Variants in BTBD16 observed in about 807,000 individuals in gnomAD.
BTBD16 encodes the protein BTB domain containing 16.
A neutral mutation model predicts 67.4 loss-of-function variants in BTBD16; 66 were observed. The ratio of observed to expected loss-of-function variants is 0.98; its 90% CI spans 0.80 to 1.20. The LOEUF is 1.20. BTBD16 is among the 50% of genes most tolerant of loss of function. The pLI is 0.00. For missense variants in BTBD16, 634 were observed against 616.0 expected (o/e 1.03, Z -0.31); for synonymous variants, 242 against 236.4 (o/e 1.02, Z -0.22).
intron 11 of BTBD16, 117 bp from the exon 12 acceptor site, chr10:122,331,059 T>C: frequency 7.3e-7 from 1 of 1,360,746 alleles, no homozygotes; most frequent in Non-Finnish European, 9.8e-7. Context: ...AAGGAGACCA[T>C]CCACCCCTTT....
At position 122,329,515 on chromosome 10, in the gene BTBD16, T is replaced by C. The variant is rs765736764; in HGVS notation, c.947T>C (p.Ile316Thr). The change falls in exon 11 of 16, where the codon ATA (isoleucine) becomes ACA (threonine). Residue 316 changes from isoleucine to threonine, a missense_variant. Transcript: ENST00000260723. Reference protein sequence around the residue: ...PENCCFLDRDIGRSLRPLFLC... With the variant: ...PENCCFLDRDTGRSLRPLFLC... ...AACTGTTGCTTTCTGGACCGGGACA[T>C]AGGACGGAGCTTGAGGCCGCTCTTC... 1.2e-6 allele frequency: 2 copies of C among 1,613,778 alleles called. No individual in the cohort carries two copies. The highest frequency in any genetic ancestry group is 1.3e-5 in the African/African-American group (1 of 74,868).
At chr10:122,304,292 G>C (rs2096399321) in intron 9 of BTBD16, among the ~76,000 whole-genome samples, 1 of 152,196 alleles carries the variant, frequency 6.6e-6, no homozygotes, top group Non-Finnish European at 1.5e-5. Flanking sequence ...TAGCATGAGA[G>C]GTGGGTGACA....
At chr10:122,305,566 T>G (rs1251902082) in intron 9 of BTBD16, among the ~76,000 whole-genome samples, 3 of 152,156 alleles carry the variant, frequency 2.0e-5, no homozygotes, top group Non-Finnish European at 2.9e-5. Flanking sequence ...TCCTGAGGCC[T>G]CTCCAGAAGC....
chr10:122,312,792 T>C (rs2096416401), intron 10 of BTBD16, among the ~76,000 whole-genome samples: 1 of 152,248 alleles, frequency 6.6e-6, no homozygotes, highest in African/African-American at 2.4e-5. Context: ...TTTTCTATGT[T>C]CTGCTACGTT....
At chr10:122,313,020 G>C (rs534545702) in intron 10 of BTBD16, among the ~76,000 whole-genome samples, 1 of 152,056 alleles carries the variant, frequency 6.6e-6, no homozygotes, top group Admixed American at 6.5e-5. Context: ...GGGATTACAG[G>C]CATGTGCTAC....
chr10:122,274,248 C>T (rs996827997), intron 1 of BTBD16, among the ~76,000 whole-genome samples: 4 of 152,198 alleles, frequency 2.6e-5, no homozygotes, highest in African/African-American at 9.7e-5. Flanking sequence ...AAGAGTGGGC[C>T]CCTGAGCTAA....
At position 122,273,221 on chromosome 10, in the gene BTBD16, G is replaced by GATTATATATATATATATAT. The variant is rs1554885565; in HGVS notation, c.-43+1709_-43+1710insTATATATATATATATATAT. Among the ~76,000 whole-genome samples the GATTATATATATATATATAT allele has an allele frequency of 5.4e-5, 7 of 129,484 alleles. No individual in the cohort carries two copies. The East Asian group carries it at 1.4e-3, about 25-fold the overall frequency. The allele number at this position is 129,484 out of a possible 152,430, so 84.9% of individuals were successfully genotyped here. On this transcript the variant is annotated intron_variant, in intron 1 of 15. Coordinates refer to ENST00000260723, the MANE Select transcript of BTBD16 (RefSeq NM_144587.5). The stretch of plus-strand genomic sequence containing the variant: ...ATAGAAATAAAAACAGCAACACAAA[G>GATTATATATATATATATAT]ATATATATATATATATATATATATA...
intron 13 of BTBD16, chr10:122,332,868 C>T: frequency 1.0e-6 from 1 of 985,380 alleles, no homozygotes; most frequent in Non-Finnish European, 1.2e-6. Context: ...CCAACAGTTG[C>T]AAACTGGCTC....
In BTBD16 at chr10:122,276,845, C is replaced by T; in HGVS notation, c.73C>T (p.Pro25Ser). The T allele has an allele frequency of 6.2e-7, 1 of 1,614,240 alleles. No individual in the cohort carries two copies. Among genetic ancestry groups the T allele is most frequent in the Non-Finnish European group, 8.5e-7 (1 of 1,180,038 alleles). Reference protein sequence around the residue: ...VTGSTNRWRLPKQPFSGDLLS... With the variant: ...VTGSTNRWRLSKQPFSGDLLS... ...TGGCTCAACCAACCGGTGGCGTTTGCCCAAACAGCCTTTCTCTGGGGACCT... is the reference window on the plus strand; with the variant it reads ...TGGCTCAACCAACCGGTGGCGTTTGTCCAAACAGCCTTTCTCTGGGGACCT... The change falls in exon 3 of 16, where the codon CCC becomes TCC. Residue 25 changes from proline (P) to serine (S), a missense_variant. Pro to Ser is a moderately conservative substitution (Grantham distance 74, BLOSUM62 -1). Transcript: ENST00000260723.
rs2096456772 is a variant in BTBD16, at chr10:122,332,477, C to T, written c.1128C>T (p.Asn376=). The T allele has an allele frequency of 6.2e-7, 1 of 1,614,096 alleles. No individual in the cohort carries two copies. The highest frequency in any genetic ancestry group is 1.1e-5 in the South Asian group (1 of 91,076). ...GGDMVHLKDL[N]TQAVRFGLLF... ...ACATGGTCCACCTGAAAGATCTTAA[C>T]ACCCAGGCTGTGAGATTTGGGCTGC... is the stretch of plus-strand genomic sequence containing the variant. Residue 376 remains asparagine (N), a synonymous_variant, in exon 13 of 16, where the codon AAC becomes AAT. Transcript: ENST00000260723.
intron 1 of BTBD16, 112 bp downstream of exon 1, chr10:122,271,626 T>C (rs1490835494): frequency 1.3e-5 from 2 of 152,300 alleles, no homozygotes; most frequent in African/African-American, 4.8e-5. Flanking sequence ...GTGCCTCTGG[T>C]CTACTTGGCA....
At chr10:122,285,012 G>T (rs1311128526) in intron 4 of BTBD16, among the ~76,000 whole-genome samples, 1 of 152,094 alleles carries the variant, frequency 6.6e-6, no homozygotes, top group Non-Finnish European at 1.5e-5. Context: ...TGTAATATTT[G>T]AGATGCAAAC....
At chr10:122,332,674 A>T in intron 13 of BTBD16, 161 bp downstream of exon 13, 1 of 619,222 alleles carries the variant, frequency 1.6e-6, no homozygotes, top group Non-Finnish European at 2.0e-6. Context: ...ATCAGCTCCC[A>T]GGAAATAAAA....
chr10:122,320,956 A>T (rs10788280), intron 10 of BTBD16, among the ~76,000 whole-genome samples: 20 of 151,864 alleles, frequency 1.3e-4, no homozygotes, highest in African/African-American at 3.6e-4. Flanking sequence ...CCTGTCACCC[A>T]GGTACTGAGC....
chr10:122,315,084 G>A (rs1371867899), intron 10 of BTBD16, among the ~76,000 whole-genome samples: 2 of 152,116 alleles, frequency 1.3e-5, no homozygotes, highest in Non-Finnish European at 2.9e-5. Flanking sequence ...TTAATCACGA[G>A]TGAATCTTAC....
At chr10:122,309,225 C>A in intron 10 of BTBD16, among the ~76,000 whole-genome samples, 1 of 152,180 alleles carries the variant, frequency 6.6e-6, no homozygotes, top group Non-Finnish European at 1.5e-5. Context: ...CTCCTAGGTT[C>A]AAGTGATCCT....
intron 10 of BTBD16, among the ~76,000 whole-genome samples, chr10:122,321,535 T>G (rs947443591): frequency 1.3e-5 from 2 of 152,274 alleles, no homozygotes; most frequent in African/African-American, 2.4e-5. Context: ...TTTTGACTTT[T>G]TAATAATAGC....
At chr10:122,332,402 C>T in intron 12 of BTBD16, 34 bp from the exon 13 acceptor site, 1 of 1,608,624 alleles carries the variant, frequency 6.2e-7, no homozygotes, top group Non-Finnish European at 8.5e-7. Flanking sequence ...CCAGAGGATC[C>T]CACCGTGGTC....
rs372941324 is a variant in BTBD16 at position 122,300,548 on chromosome 10, G to C, written c.791+1414G>C. On this transcript the variant is annotated intron_variant, in intron 9 of 15. Transcript: ENST00000260723. ...TTTATTAAGTTCCTTTACTCCACAT[G>C]CTTCAGTGTTTATTTCCTAAGAAAA... Among the ~76,000 whole-genome samples the C allele has an allele frequency of 7.2e-5, 11 of 152,210 alleles. No individual in the cohort carries two copies. The East Asian group carries it at 1.5e-3, about 21-fold the overall frequency.
Sources: allele counts gnomAD v4.1 joint callset (sites outside exome capture counted in the v4.1 genomes callset), GRCh38; gene constraint gnomAD v4.1.1; transcripts MANE v1.5; gene names NCBI Gene and HGNC (gene_info 2026-07-23, HGNC 2026-07-21).